CDC16: variants seen among roughly 807,000 people sequenced by gnomAD.
CDC16 encodes the protein cell division cycle protein 16 homolog.
A neutral mutation model predicts 87.0 loss-of-function variants in CDC16; 34 were observed. The ratio of observed to expected loss-of-function variants is 0.39; its 90% CI spans 0.30 to 0.52. CDC16 has a LOEUF of 0.52. CDC16 is among the 20% of genes least tolerant of loss of function. CDC16 has a pLI of 0.74. For missense variants in CDC16, 653 were observed against 751.9 expected, an observed-to-expected ratio of 0.87 and a Z score of 1.54; for synonymous variants, 263 against 260.6, an observed-to-expected ratio of 1.01 and a Z score of -0.09.
At chr13:114,240,583 C>T (rs2081496206) in intron 5 of CDC16, among the ~76,000 whole-genome samples, 1 of 152,138 alleles carries the variant, frequency 6.6e-6, no homozygotes, top group Admixed American at 6.5e-5. Flanking sequence ...GTCTCAAACT[C>T]CTGGGCTCAA....
intron 14 of CDC16, 65 bp from the exon 15 acceptor site, chr13:114,261,822 G>C (rs1221337479): frequency 1.6e-5 from 19 of 1,164,004 alleles, no homozygotes; most frequent in Admixed American, 4.4e-5. Context: ...AAATAATTCA[G>C]TGCAAACAAA....
At chr13:114,259,518 A>G in intron 14 of CDC16, 120 bp downstream of exon 14, 1 of 564,284 alleles carries the variant, frequency 1.8e-6, no homozygotes, top group Non-Finnish European at 3.0e-6. Flanking sequence ...TTTTCATAAC[A>G]AGCGGCTGTT....
chr13:114,234,970 C>A lies in CDC16; in HGVS notation c.-115C>A. The stretch of plus-strand genomic sequence containing the variant: ...GCCTTCGAGTCCGCGGCCTTCGAGT[C>A]CTGGGGCGGCGGCGGCGGCTGCAGG... On this transcript the variant is annotated 5_prime_UTR_variant, in exon 1 of 18. Coordinates refer to ENST00000356221, the MANE Select transcript of CDC16 (RefSeq NM_001078645.3). 1.4e-6 allele frequency: 1 copy of A among 717,822 alleles called. No homozygotes were observed. 44.5% of individuals were successfully genotyped at this position (717,822 alleles called of 1,614,324 possible).
At chr13:114,261,034 G>A (rs1202349300) in intron 14 of CDC16, among the ~76,000 whole-genome samples, 1 of 152,162 alleles carries the variant, frequency 6.6e-6, no homozygotes, top group East Asian at 1.9e-4. Context: ...AACTAAAGGT[G>A]CCCACAGAGA....
In CDC16 at chr13:114,234,941, TGCGGCCTTCGAGTCC is replaced by T. The variant is rs532106085; in HGVS notation, c.-128_-114del. ...GGGGGTGCGGGTGTGGGTGGGGACC[TGCGGCCTTCGAGTCC>T]GCGGCCTTCGAGTCCTGGGGCGGCG... is the stretch of plus-strand genomic sequence containing the variant. On this transcript the variant is annotated 5_prime_UTR_variant, in exon 1 of 18. Coordinates refer to ENST00000356221, the MANE Select transcript of CDC16 (RefSeq NM_001078645.3). 3,979 of 487,104 alleles carry T rather than the reference TGCGGCCTTCGAGTCC, an allele frequency of 8.2e-3. 23 individuals carry two copies. Among genetic ancestry groups the T allele is most frequent in the Admixed American group, 0.011 (241 of 22,316 alleles). 30.2% of individuals were successfully genotyped at this position (487,104 alleles called of 1,614,324 possible). A position where few individuals can be genotyped will look rare whatever the true frequency, so the allele number is the denominator to read the frequency against.
Position 114,272,449 on chromosome 13 carries a change from G to A in CDC16, c.*6G>A. The stretch of plus-strand genomic sequence containing the variant: ...TGTCAGACCACAGCACGTGACTCCA[G>A]TCAGTGGTCCTGGTCCCACTGTCCC... On this transcript the variant is annotated 3_prime_UTR_variant, in exon 18 of 18. Coordinates refer to ENST00000356221, the MANE Select transcript of CDC16 (RefSeq NM_001078645.3). The A allele has an allele frequency of 6.2e-7, 1 of 1,612,846 alleles. No individual in the cohort carries two copies. The highest frequency in any genetic ancestry group is 1.1e-5 in the South Asian group (1 of 90,932).
At position 114,250,361 on chromosome 13, in the gene CDC16, G is replaced by A. The variant is rs990819912; in HGVS notation, c.972-188G>A. The stretch of plus-strand genomic sequence containing the variant: ...TACAAAATTAGCCGGGCATGGTGGC[G>A]GGTGCCTGTAATCCCAGCTACTCGG... On this transcript the variant is annotated intron_variant, in intron 11 of 17. Coordinates refer to ENST00000356221, the MANE Select transcript of CDC16 (RefSeq NM_001078645.3). 9.2e-5 allele frequency among the ~76,000 whole-genome samples: 14 copies of A among 151,634 alleles called. No homozygotes were observed. The South Asian group carries it at 1.2e-3, about 14-fold the overall frequency.
intron 5 of CDC16, among the ~76,000 whole-genome samples, chr13:114,241,292 A>G (rs1340063937): frequency 2.6e-5 from 4 of 152,240 alleles, no homozygotes; most frequent in Non-Finnish European, 5.9e-5. Context: ...AGGATAGGAA[A>G]TGGAGGCCAA....
At chr13:114,238,351 G>T (rs1181618272) in intron 3 of CDC16, among the ~76,000 whole-genome samples, 11 of 145,016 alleles carry the variant, frequency 7.6e-5, no homozygotes, top group African/African-American at 2.4e-4. Context: ...CGATCTCCTC[G>T]GATGCCCAGC....
chr13:114,245,058 G>A (rs2138928727), intron 9 of CDC16, 89 bp downstream of exon 9: 2 of 730,948 alleles, frequency 2.7e-6, no homozygotes, highest in South Asian at 3.5e-5. Context: ...ATTCTGGATA[G>A]TTGAGATTGC....
In CDC16 at chr13:114,237,043, G is replaced by A. The variant is rs17290999; in HGVS notation, c.201+147G>A. 9.2e-3 allele frequency: 4,514 copies of A among 489,674 alleles called. 182 individuals are homozygous for A. Among genetic ancestry groups the A allele is most frequent in the African/African-American group, 0.084 (4,145 of 49,546 alleles). 30.3% of individuals were successfully genotyped at this position (489,674 alleles called of 1,614,324 possible). A position where few individuals can be genotyped will look rare whatever the true frequency, so the allele number is the denominator to read the frequency against. On this transcript the variant is annotated intron_variant, in intron 3 of 17. Transcript: ENST00000356221. ...GAGGTCAGGAGCTCAAGACCAAGATGGTGAAACCCCATCTCCGCTAAAAAT... is the reference window on the plus strand; with the variant it reads ...GAGGTCAGGAGCTCAAGACCAAGATAGTGAAACCCCATCTCCGCTAAAAAT...
intron 12 of CDC16, among the ~76,000 whole-genome samples, chr13:114,256,306 C>T (rs973150943): frequency 1.1e-4 from 16 of 152,152 alleles, no homozygotes; most frequent in Non-Finnish European, 2.4e-4. Flanking sequence ...TTTGAAAGTA[C>T]TTCTACCAGG....
At chr13:114,237,538 C>T (rs2081317186) in intron 3 of CDC16, among the ~76,000 whole-genome samples, 1 of 152,106 alleles carries the variant, frequency 6.6e-6, no homozygotes, top group Admixed American at 6.5e-5. Context: ...GCAGTCCTCC[C>T]GCCTTGGTCT....
In CDC16 at chr13:114,257,216, A is replaced by G. The variant is rs1171967006; in HGVS notation, c.1236A>G (p.Ala412=). The G allele has an allele frequency of 1.9e-6, 3 of 1,606,860 alleles. No homozygotes were observed. Residue 412 remains alanine, a synonymous_variant, in exon 13 of 18, where the codon GCA becomes GCG. Coordinates refer to ENST00000356221, the MANE Select transcript of CDC16 (RefSeq NM_001078645.3). ...TTATGCATGAGGTCGGCGTGGTTGC[A>G]TTTCAGAATGGAGAGTAAGTACTGG... ...PFVMHEVGVV[A]FQNGEWKTAE...
rs745747331 is a variant in CDC16 at position 114,243,982 on chromosome 13, A to G, written c.760A>G (p.Thr254Ala). 5 of 1,607,894 alleles carry G rather than the reference A, an allele frequency of 3.1e-6. No individual in the cohort carries two copies. The highest frequency in any genetic ancestry group is 1.7e-6 in the Non-Finnish European group (2 of 1,175,076). The change falls in exon 8 of 18, where the codon ACT becomes GCT. Residue 254 changes from threonine (T) to alanine (A), a missense_variant. By Grantham distance (58) the Thr-to-Ala change is moderately conservative. Transcript: ENST00000356221. ...TGATTTTAAAATGTGCTACAAGCTT[A>G]CTTCTGTGTAAGTATATCCATCCAT... The part of the protein sequence containing the change: ...NCDFKMCYKL[T>A]SVVMEKDPFH...
chr13:114,271,665 TAG>T (rs1463881937), intron 17 of CDC16, among the ~76,000 whole-genome samples: 1 of 151,456 alleles, frequency 6.6e-6, no homozygotes, highest in East Asian at 1.9e-4. Flanking sequence ...TTTTTTTTAG[TAG>T]AGACTGGGTT....
At chr13:114,259,713 C>T (rs1243434266) in intron 14 of CDC16, among the ~76,000 whole-genome samples, 3 of 152,190 alleles carry the variant, frequency 2.0e-5, no homozygotes, top group African/African-American at 7.2e-5. Context: ...CAATTGGGCA[C>T]TGTAGCGTCA....
chr13:114,265,009 CTT>C (rs1192046609), intron 16 of CDC16, 139 bp from the exon 17 acceptor site: 17 of 648,542 alleles, frequency 2.6e-5, no homozygotes, highest in Non-Finnish European at 4.5e-5. Context: ...CTTCAACAAT[CTT>C]TGGTTCATGG....
At chr13:114,267,777 C>CCAGCCTG (rs200509986) in intron 17 of CDC16, among the ~76,000 whole-genome samples, 3,683 of 152,164 alleles carry the variant, frequency 0.024, 150 homozygotes, top group African/African-American at 0.085. Flanking sequence ...GAGTCCTCCT[C>CCAGCCTG]CCATGAAACA....
Sources: allele counts gnomAD v4.1 joint callset (sites outside exome capture counted in the v4.1 genomes callset), GRCh38; gene constraint gnomAD v4.1.1; transcripts MANE v1.5; gene names NCBI Gene and HGNC (gene_info 2026-07-23, HGNC 2026-07-21).